Variants in WASHC4 observed in about 807,000 individuals in gnomAD.
The protein encoded by WASHC4 is WASH complex subunit 4.
A neutral mutation model predicts 166.6 loss-of-function variants in WASHC4; 86 were observed. The ratio of observed to expected loss-of-function variants is 0.52; its 90% confidence interval spans 0.43 to 0.62. The LOEUF (loss-of-function observed/expected upper bound fraction) is 0.62. WASHC4 is among the 20% of genes least tolerant of loss of function. The pLI is 0.00. For missense variants in WASHC4, 1,262 were observed against 1,382.4 expected, an observed-to-expected ratio of 0.91 and a Z score of 1.38; for synonymous variants, 446 against 451.6, an observed-to-expected ratio of 0.99 and a Z score of 0.16.
intron 1 of WASHC4, among the ~76,000 whole-genome samples, chr12:105,110,784 AAGAT>A (rs1236158727): frequency 3.9e-5 from 6 of 152,202 alleles, no homozygotes; most frequent in South Asian, 2.1e-4. Flanking sequence ...TCATGACTAA[AAGAT>A]AGAATCAGGA....
At chr12:105,134,807 A>G (rs537822180) in intron 14 of WASHC4, among the ~76,000 whole-genome samples, 5 of 150,238 alleles carry the variant, frequency 3.3e-5, no homozygotes, top group South Asian at 2.1e-4. Context: ...TATTTTTTCT[A>G]TATGTCATTG....
At chr12:105,121,596 C>T (rs1207816416) in intron 9 of WASHC4, among the ~76,000 whole-genome samples, 2 of 152,186 alleles carry the variant, frequency 1.3e-5, no homozygotes, top group East Asian at 1.9e-4. Flanking sequence ...CAACTTCTGC[C>T]TCCTGGGTTC....
At chr12:105,156,679 TTA>T in intron 26 of WASHC4, 45 bp from the exon 27 acceptor site, 1 of 1,429,490 alleles carries the variant, frequency 7.0e-7, no homozygotes, top group African/African-American at 1.4e-5. Context: ...CTATTAGAAT[TTA>T]GAGTTATTTA....
In WASHC4 at chr12:105,114,424, T is replaced by C. The variant is rs1312114955; in HGVS notation, c.318T>C (p.Tyr106=). 3.2e-6 allele frequency: 5 copies of C among 1,571,860 alleles called. No individual in the cohort carries two copies. In the South Asian group the frequency reaches 5.7e-5, roughly 18 times the overall value. ...ALCCEIKKLK[Y]EAETKFYNGL... is the part of the protein sequence containing the mutation. The stretch of plus-strand genomic sequence containing the variant: ...GTTGTGAAATCAAGAAATTAAAATA[T>C]GAGGTAATTATTTGAATTCTTGTCT... Residue 106 remains tyrosine (Y), a synonymous_variant, in exon 4 of 33, where the codon TAT becomes TAC. Coordinates refer to ENST00000332180, the MANE Select transcript of WASHC4 (RefSeq NM_015275.3).
intron 6 of WASHC4, among the ~76,000 whole-genome samples, chr12:105,116,929 G>A (rs940806944): frequency 3.3e-5 from 5 of 152,158 alleles, no homozygotes; most frequent in Admixed American, 3.3e-4. Context: ...TGATGCCTAT[G>A]CTGAGGTGGC....
chr12:105,126,218 T>C lies in WASHC4; in HGVS notation c.911-17T>C, dbSNP rs1881269693. On this transcript the variant is annotated splice_polypyrimidine_tract_variant and intron_variant, in intron 11 of 32. Coordinates refer to ENST00000332180, the MANE Select transcript of WASHC4 (RefSeq NM_015275.3). ...AGTATATTTGTTCTGCTTTCTCTTATGTTATTGATTTGTAAGGAGAACCTT... is the reference window on the plus strand; with the variant it reads ...AGTATATTTGTTCTGCTTTCTCTTACGTTATTGATTTGTAAGGAGAACCTT... 5 of 1,612,518 alleles carry C rather than the reference T, an allele frequency of 3.1e-6. No individual in the cohort carries two copies. The highest frequency in any genetic ancestry group is 4.2e-6 in the Non-Finnish European group (5 of 1,179,014).
intron 12 of WASHC4, 52 bp from the exon 13 acceptor site, chr12:105,127,074 CTTG>C (rs1436189254): frequency 6.8e-6 from 10 of 1,480,480 alleles, no homozygotes; most frequent in South Asian, 1.1e-5. Context: ...TTTTAAACAG[CTTG>C]TTGTTTAGCC....
rs1883119002 is a variant in WASHC4 at position 105,144,387 on chromosome 12, T to C, written c.2111T>C (p.Met704Thr). 15 of 1,613,588 alleles carry C rather than the reference T, an allele frequency of 9.3e-6. No individual in the cohort carries two copies. The East Asian group carries it at 3.3e-4, about 36-fold the overall frequency. The change falls in exon 21 of 33, where the codon ATG (methionine) becomes ACG (threonine). Residue 704 changes from methionine to threonine, a missense_variant. By Grantham distance (81) the Met-to-Thr change is moderately conservative. Coordinates refer to ENST00000332180, the MANE Select transcript of WASHC4 (RefSeq NM_015275.3). ...GACCGAAACCCTTTCAAAGTTGGCA[T>C]GAAAGACCTGGCTCTTTTTTTCTCT... ...LDDRNPFKVG[M>T]KDLALFFSLN... is the part of the protein sequence containing the mutation.
Position 105,127,112 on chromosome 12 carries a change from T to C in WASHC4, c.1039-17T>C. 1 of 1,609,350 alleles carries C rather than the reference T, an allele frequency of 6.2e-7. No homozygotes were observed. The highest frequency in any genetic ancestry group is 8.5e-7 in the Non-Finnish European group (1 of 1,175,852). Reference sequence around the variant, plus strand: ...CTGCATTTAATGAATTTTCCCCTTTTCCCTTTTCTGTTTCAGGTACCAGCC... The same window carrying C: ...CTGCATTTAATGAATTTTCCCCTTTCCCCTTTTCTGTTTCAGGTACCAGCC... On this transcript the variant is annotated splice_polypyrimidine_tract_variant and intron_variant, in intron 12 of 32. Coordinates refer to ENST00000332180, the MANE Select transcript of WASHC4 (RefSeq NM_015275.3).
intron 32 of WASHC4, 136 bp downstream of exon 32, chr12:105,164,876 A>T (rs1468329692): frequency 1.8e-5 from 12 of 652,070 alleles, no homozygotes; most frequent in South Asian, 3.8e-5. Flanking sequence ...TAAGTCTTTT[A>T]AAAAAAGTAA....
intron 6 of WASHC4, among the ~76,000 whole-genome samples, chr12:105,117,469 T>C (rs529005963): frequency 1.6e-4 from 24 of 152,346 alleles, no homozygotes; most frequent in African/African-American, 5.5e-4. Flanking sequence ...TTTACTTTGT[T>C]CTTTCTGTTT....
Position 105,140,328 on chromosome 12 carries a change from T to A in WASHC4, c.1487T>A (p.Val496Asp). Residue 496 changes from valine to aspartate, a missense_variant, in exon 16 of 33, where the codon GTT (valine) becomes GAT (aspartate). Transcript: ENST00000332180. ...IEHMFYRRSMVVADSVSHITQ... is the reference protein window; with the variant it reads ...IEHMFYRRSMDVADSVSHITQ... Reference sequence around the variant, plus strand: ...CATATGTTCTACAGGAGAAGCATGGTTGTGGCTGATTCAGTTTCACATATA... The same window carrying A: ...CATATGTTCTACAGGAGAAGCATGGATGTGGCTGATTCAGTTTCACATATA... 3 of 1,613,806 alleles carry A rather than the reference T, an allele frequency of 1.9e-6. No individual in the cohort carries two copies. The highest frequency in any genetic ancestry group is 2.5e-6 in the Non-Finnish European group (3 of 1,179,696).
rs1272814625 is a variant in WASHC4, at chr12:105,132,786, TAGTGTGTGTGTG to T, written c.1200-983_1200-972del. Among the ~76,000 whole-genome samples, 51 of 82,508 alleles carry T rather than the reference TAGTGTGTGTGTG, an allele frequency of 6.2e-4. 1 individual carries two copies. Among genetic ancestry groups the T allele is most frequent in the Middle Eastern group, 6.0e-3 (1 of 168 alleles). The allele number at this position is 82,508 out of a possible 152,430, so 54.1% of individuals were successfully genotyped here. A position where few individuals can be genotyped will look rare whatever the true frequency, so the allele number is the denominator to read the frequency against. On this transcript the variant is annotated intron_variant, in intron 13 of 32. Coordinates refer to ENST00000332180, the MANE Select transcript of WASHC4 (RefSeq NM_015275.3). ...AAGTTAATGTGAGGGGTGAAAGAGG[TAGTGTGTGTGTG>T]TGTGTGTGTGTGTGTGTGTGTGTGT...
rs1253288743 is a variant in WASHC4 at position 105,168,675 on chromosome 12, G to T, written c.*1744G>T. ...CATGCTGACTCCCTGGATACCTACA[G>T]TTGAGAAGAAAATGACAGACAATTA... is the stretch of plus-strand genomic sequence containing the variant. On this transcript the variant is annotated 3_prime_UTR_variant, in exon 33 of 33. Coordinates refer to ENST00000332180, the MANE Select transcript of WASHC4 (RefSeq NM_015275.3). 6.6e-6 allele frequency: 1 copy of T among 151,690 alleles called. No individual in the cohort carries two copies. The highest frequency in any genetic ancestry group is 2.4e-5 in the African/African-American group (1 of 41,338). The allele number at this position is 151,690 out of a possible 1,614,324, so 9.4% of individuals were successfully genotyped here. A position where few individuals can be genotyped will look rare whatever the true frequency, so the allele number is the denominator to read the frequency against.
chr12:105,126,040 G>C lies in WASHC4; in HGVS notation c.823G>C (p.Gly275Arg). 1 of 1,612,424 alleles carries C rather than the reference G, an allele frequency of 6.2e-7. No homozygotes were observed. Among genetic ancestry groups the C allele is most frequent in the Non-Finnish European group, 8.5e-7 (1 of 1,178,826 alleles). ...IEQQFDSLNG[G>R]VSVSKNSTFA... Reference sequence around the variant, plus strand: ...ACAACAATTTGATTCTCTCAATGGAGGAGTATCTGTGTCAAAAAATAGTAC... The same window carrying C: ...ACAACAATTTGATTCTCTCAATGGACGAGTATCTGTGTCAAAAAATAGTAC... The change falls in exon 11 of 33, where the codon GGA (glycine) becomes CGA (arginine). Residue 275 changes from glycine to arginine, a missense_variant. Transcript: ENST00000332180.
rs747237533 is a variant in WASHC4 at position 105,164,168 on chromosome 12, G to A, written c.3215G>A (p.Trp1072Ter). 5 of 1,614,056 alleles carry A rather than the reference G, an allele frequency of 3.1e-6. No homozygotes were observed. The highest frequency in any genetic ancestry group is 4.2e-6 in the Non-Finnish European group (5 of 1,179,980). The change falls in exon 31 of 33, where the codon TGG becomes TAG. Residue 1072 changes from tryptophan (W) to a stop codon, truncating the protein, a stop_gained. Coordinates refer to ENST00000332180, the MANE Select transcript of WASHC4 (RefSeq NM_015275.3). LOFTEE classifies it high-confidence loss of function. Reference sequence around the variant, plus strand: ...TATCGGGAGTTTGATTCACTTCACTGGTTCCAGTCTGTTAGAGAGAAATAC... The same window carrying A: ...TATCGGGAGTTTGATTCACTTCACTAGTTCCAGTCTGTTAGAGAGAAATAC... ...DQYREFDSLH[W>*]FQSVREKYLK...
chr12:105,142,987 A>G (rs1365248498), intron 19 of WASHC4, 140 bp from the exon 20 acceptor site: 1 of 644,206 alleles, frequency 1.6e-6, no homozygotes, highest in Non-Finnish European at 2.7e-6. Context: ...CTTTTTCTTT[A>G]GGAAAGTTAA....
chr12:105,121,749 G>C (rs1021404201), intron 9 of WASHC4, among the ~76,000 whole-genome samples: 2 of 151,890 alleles, frequency 1.3e-5, no homozygotes, highest in African/African-American at 4.8e-5. Flanking sequence ...CTCATGATCC[G>C]CCCGCCTTGG....
At chr12:105,148,815 T>TA (rs1215826027) in intron 24 of WASHC4, 8 of 985,136 alleles carry the variant, frequency 8.1e-6, no homozygotes, top group Non-Finnish European at 9.6e-6. Context: ...GAATTAATCT[T>TA]ATGCTATTTC....
Sources: gnomAD v4.1 joint callset for allele counts (sites outside exome capture counted in the v4.1 genomes callset) on GRCh38, gnomAD v4.1.1 for gene constraint, MANE v1.5 for transcripts, NCBI Gene and HGNC (gene_info 2026-07-23, HGNC 2026-07-21) for gene names.